The following TMEM108 variants were observed in gnomAD, a reference collection of about 807,000 sequenced individuals.
The protein encoded by TMEM108 is cancer/testis antigen 124.
TMEM108 carries 12 observed loss-of-function variants against 35.1 expected under a neutral mutation model. The ratio of observed to expected loss-of-function variants is 0.34; its 90% CI spans 0.22 to 0.55. The LOEUF (loss-of-function observed/expected upper bound fraction) is 0.55, where lower values mean the gene tolerates loss of function less well. TMEM108 is among the 20% of genes least tolerant of loss of function. TMEM108 has a pLI of 0.89. For synonymous variants in TMEM108, 287 were observed against 308.6 expected, an observed-to-expected ratio of 0.93 and a Z score of 0.73; for missense variants, 680 against 753.3, an observed-to-expected ratio of 0.90 and a Z score of 1.14.
At chr3:133,218,764 T>G (rs1411275038) in intron 2 of TMEM108, among the ~76,000 whole-genome samples, 1 of 152,126 alleles carries the variant, frequency 6.6e-6, no homozygotes, top group Non-Finnish European at 1.5e-5. Context: ...TTTGATGTGC[T>G]GTTGAACTTT....
intron 2 of TMEM108, among the ~76,000 whole-genome samples, chr3:133,112,821 C>G (rs1014996020): frequency 6.6e-6 from 1 of 152,052 alleles, no homozygotes; most frequent in Non-Finnish European, 1.5e-5. Flanking sequence ...GTCAGTTCTG[C>G]TATAAAGTGA....
intron 2 of TMEM108, among the ~76,000 whole-genome samples, chr3:133,087,606 T>A (rs1943899305): frequency 6.6e-6 from 1 of 152,190 alleles, no homozygotes; most frequent in South Asian, 2.1e-4. Context: ...TAAGGGAAGT[T>A]TCTGACATTA....
At chr3:133,188,474 G>A (rs1386003850) in intron 2 of TMEM108, among the ~76,000 whole-genome samples, 2 of 150,460 alleles carry the variant, frequency 1.3e-5, no homozygotes, top group Non-Finnish European at 3.0e-5. Context: ...AAGTGAATAC[G>A]GATAATTTTT....
intron 2 of TMEM108, among the ~76,000 whole-genome samples, chr3:133,158,590 C>T (rs998111984): frequency 2.0e-5 from 3 of 151,790 alleles, no homozygotes; most frequent in African/African-American, 7.3e-5. Context: ...CAAAAAATGC[C>T]AGAGTCAAAG....
At chr3:133,205,563 A>T (rs969623689) in intron 2 of TMEM108, among the ~76,000 whole-genome samples, 3 of 152,120 alleles carry the variant, frequency 2.0e-5, no homozygotes, top group Non-Finnish European at 4.4e-5. Flanking sequence ...TCGCTTCTGA[A>T]GCTTAGTTTG....
At chr3:133,089,216 T>C (rs1445291142) in intron 2 of TMEM108, among the ~76,000 whole-genome samples, 1 of 152,142 alleles carries the variant, frequency 6.6e-6, no homozygotes, top group Non-Finnish European at 1.5e-5. Flanking sequence ...GGATTACAAT[T>C]TGACATGAGA....
intron 3 of TMEM108, among the ~76,000 whole-genome samples, chr3:133,273,405 TA>T (rs1220910448): frequency 6.6e-6 from 1 of 152,172 alleles, no homozygotes; most frequent in East Asian, 1.9e-4. Context: ...ATCCATCACT[TA>T]AGAAGTATAG....
At chr3:133,224,550 A>G (rs1946040060) in intron 2 of TMEM108, among the ~76,000 whole-genome samples, 1 of 152,114 alleles carries the variant, frequency 6.6e-6, no homozygotes, top group Non-Finnish European at 1.5e-5. Flanking sequence ...GGTTTTCCCT[A>G]TACTGTTCTC....
At chr3:133,216,523 T>A (rs1336431360) in intron 2 of TMEM108, among the ~76,000 whole-genome samples, 1 of 152,178 alleles carries the variant, frequency 6.6e-6, no homozygotes, top group Non-Finnish European at 1.5e-5. Flanking sequence ...ATTGTCACCA[T>A]GTTATACAAT....
rs192168291 is a variant in TMEM108, at chr3:133,340,903, G to A, written c.41-38849G>A. 5.5e-4 allele frequency among the ~76,000 whole-genome samples: 84 copies of A among 151,782 alleles called. 1 individual carries two copies. The highest frequency in any genetic ancestry group is 8.9e-4 in the Non-Finnish European group (60 of 67,704). On this transcript the variant is annotated intron_variant, in intron 3 of 5. Coordinates refer to ENST00000321871, the MANE Select transcript of TMEM108 (RefSeq NM_023943.4). ...ACCCTCAAAAAAGTGGGTATAGAAG[G>A]AACATACCTCCACATAATAAAAGCC...
chr3:133,313,599 G>A (rs945674060), intron 3 of TMEM108, among the ~76,000 whole-genome samples: 15 of 152,154 alleles, frequency 9.9e-5, no homozygotes, highest in African/African-American at 1.7e-4. Context: ...CTCCCAAGTC[G>A]GAATACCACT....
intron 3 of TMEM108, among the ~76,000 whole-genome samples, chr3:133,345,695 A>G (rs2071795094): frequency 6.6e-6 from 1 of 151,978 alleles, no homozygotes; most frequent in South Asian, 2.1e-4. Flanking sequence ...TTAACATACA[A>G]AAAAATTAAT....
At chr3:133,303,112 G>A (rs1025771622) in intron 3 of TMEM108, 1 of 152,114 alleles carries the variant, frequency 6.6e-6, no homozygotes, top group Non-Finnish European at 1.5e-5. Context: ...TTTCCATGAC[G>A]CTCATCTTCA....
chr3:133,189,206 G>A (rs555760152), intron 2 of TMEM108, among the ~76,000 whole-genome samples: 44 of 152,114 alleles, frequency 2.9e-4, no homozygotes, highest in African/African-American at 9.4e-4. Flanking sequence ...TGTCACCAAG[G>A]CATTTAATTT....
At chr3:133,188,069 T>C (rs1418927495) in intron 2 of TMEM108, among the ~76,000 whole-genome samples, 1 of 152,138 alleles carries the variant, frequency 6.6e-6, no homozygotes, top group Non-Finnish European at 1.5e-5. Context: ...TCACACACCA[T>C]TAAGATTGAA....
At chr3:133,269,493 G>T (rs1391475183) in intron 3 of TMEM108, among the ~76,000 whole-genome samples, 2 of 152,106 alleles carry the variant, frequency 1.3e-5, no homozygotes, top group Non-Finnish European at 2.9e-5. Flanking sequence ...AAGGAGCACT[G>T]GGGTCACTGG....
At chr3:133,392,140 C>CT (rs548497085) in intron 5 of TMEM108, among the ~76,000 whole-genome samples, 308 of 140,676 alleles carry the variant, frequency 2.2e-3, no homozygotes, top group Middle Eastern at 3.6e-3. Flanking sequence ...CACTTCTCTT[C>CT]TTTTTTTTTT....
chr3:133,076,728 A>G (rs1943746854), intron 2 of TMEM108, among the ~76,000 whole-genome samples: 1 of 152,222 alleles, frequency 6.6e-6, no homozygotes, highest in Non-Finnish European at 1.5e-5. Context: ...CCAAAGGCCA[A>G]CAGACAGTTT....
intron 2 of TMEM108, among the ~76,000 whole-genome samples, chr3:133,222,792 C>T (rs530694492): frequency 6.6e-6 from 1 of 151,910 alleles, no homozygotes; most frequent in Admixed American, 6.6e-5. Context: ...TATTATTCTC[C>T]TGATTTTGTT....
Sources: gnomAD v4.1 joint callset for allele counts (sites outside exome capture counted in the v4.1 genomes callset) on GRCh38, gnomAD v4.1.1 for gene constraint, MANE v1.5 for transcripts, NCBI Gene and HGNC (gene_info 2026-07-23, HGNC 2026-07-21) for gene names.